Variants in TTLL13 observed in about 807,000 individuals in gnomAD.
The protein encoded by TTLL13 is tubulin tyrosine ligase like 13.
chr15:90,256,396 A>T, the TTLL13 span: 1 of 1,451,610 alleles, frequency 6.9e-7, no homozygotes, highest in Non-Finnish European at 9.5e-7. Flanking sequence ...TTAGGCTTCT[A>T]CCCTTCCCAC....
At chr15:90,256,997 A>G in the TTLL13 span, 2 of 822,280 alleles carry the variant, frequency 2.4e-6, no homozygotes. Flanking sequence ...CTCCTCATTT[A>G]TTAAGTGGGA....
chr15:90,262,881 T>C, the TTLL13 span: 2 of 1,390,840 alleles, frequency 1.4e-6, no homozygotes, highest in Admixed American at 2.5e-5. Context: ...GAGGGTAGAG[T>C]GGGCAGGAGG....
At chr15:90,265,422 G>C in the TTLL13 span, 130 of 1,287,384 alleles carry the variant, frequency 1.0e-4, no homozygotes, top group Non-Finnish European at 2.2e-5. Context: ...CGCTGGGGCG[G>C]AGGGACGGCT....
chr15:90,264,760 C>T, the TTLL13 span: 1 of 1,536,112 alleles, frequency 6.5e-7, no homozygotes, highest in African/African-American at 1.4e-5. Flanking sequence ...TAAACCGAGT[C>T]CTGGCAGGAT....
the TTLL13 span, chr15:90,259,106 T>C: frequency 7.9e-6 from 11 of 1,389,706 alleles, no homozygotes; most frequent in African/African-American, 1.3e-4. Context: ...CTCATATCTG[T>C]AATCCCAGCA....
At chr15:90,253,349 G>A in the TTLL13 span, 1 of 1,612,748 alleles carries the variant, frequency 6.2e-7, no homozygotes, top group Non-Finnish European at 8.5e-7. Context: ...AACGAGTCAT[G>A]GACATGAAGA....
the TTLL13 span, chr15:90,258,003 G>GAAA: frequency 5.6e-6 from 9 of 1,600,842 alleles, no homozygotes; most frequent in Non-Finnish European, 7.7e-6. Flanking sequence ...CAGTGGCCTA[G>GAAA]AAACTGGCCT....
At chr15:90,262,922 C>T in the TTLL13 span, 1 of 1,519,624 alleles carries the variant, frequency 6.6e-7, no homozygotes, top group Middle Eastern at 1.7e-4. Context: ...TGGTTTGGGA[C>T]TTATCCTTGG....
chr15:90,262,873 G>C, the TTLL13 span: 1 of 1,369,454 alleles, frequency 7.3e-7, no homozygotes, highest in Non-Finnish European at 9.7e-7. Flanking sequence ...GAAGGGATGA[G>C]GGTAGAGTGG....
chr15:90,257,169 T>A, the TTLL13 span: 2 of 1,613,762 alleles, frequency 1.2e-6, no homozygotes, highest in Non-Finnish European at 1.7e-6. Context: ...AAGTTTGATA[T>A]GCGAGTCTAC....
the TTLL13 span, among the ~76,000 whole-genome samples, chr15:90,255,349 C>T: frequency 6.6e-5 from 10 of 152,266 alleles, no homozygotes; most frequent in African/African-American, 2.4e-4. Context: ...GGGGCTGGTT[C>T]TTAGTTTCCT....
chr15:90,256,611 TTCCTTCC>T, the TTLL13 span, among the ~76,000 whole-genome samples: 36 of 43,142 alleles, frequency 8.3e-4, no homozygotes, highest in African/African-American at 3.9e-3. Context: ...CTTTCTTTCC[TTCCTTCC>T]TTCCTTCCTT....
the TTLL13 span, chr15:90,263,166 T>C: frequency 2.0e-6 from 3 of 1,508,156 alleles, no homozygotes; most frequent in Non-Finnish European, 1.8e-6. Context: ...CTGTGAAGTC[T>C]CCCAGAGGAA....
chr15:90,258,750 A>T, the TTLL13 span: 1 of 1,613,858 alleles, frequency 6.2e-7, no homozygotes, highest in Non-Finnish European at 8.5e-7. Context: ...CAGGTAAACC[A>T]CTCTCCAAGC....
the TTLL13 span, chr15:90,251,616 C>T: frequency 3.7e-6 from 6 of 1,612,226 alleles, no homozygotes; most frequent in East Asian, 2.2e-5. Context: ...GCCCGTCGCT[C>T]ACACTGTGGT....
chr15:90,258,234 T>C, the TTLL13 span: 1 of 1,614,232 alleles, frequency 6.2e-7, no homozygotes, highest in Non-Finnish European at 8.5e-7. Flanking sequence ...TTTTGACATC[T>C]TGCTGGACCA....
chr15:90,261,903 T>G, the TTLL13 span: 1 of 996,560 alleles, frequency 1.0e-6, no homozygotes, highest in South Asian at 2.1e-5. Context: ...GCCCAGGAGG[T>G]CAAGAAGCCA....
chr15:90,264,839 T>C, the TTLL13 span: 7 of 1,535,982 alleles, frequency 4.6e-6, no homozygotes, highest in Admixed American at 5.9e-5. Context: ...ATCTGACTCA[T>C]GGACTGAATG....
At chr15:90,264,136 AAATAT>A in the TTLL13 span, 10 of 849,228 alleles carry the variant, frequency 1.2e-5, no homozygotes, top group Admixed American at 2.4e-5. Context: ...GATGCCCCTA[AAATAT>A]AATATGGCAC....
Sources: allele counts gnomAD v4.1 joint callset (sites outside exome capture counted in the v4.1 genomes callset), GRCh38; gene constraint gnomAD v4.1.1; transcripts MANE v1.5; gene names NCBI Gene and HGNC (gene_info 2026-07-23, HGNC 2026-07-21).